F13A1: variants seen among roughly 807,000 people sequenced by gnomAD.
F13A1 encodes the protein FSF, A subunit.
In F13A1, 47 loss-of-function variants were observed where a neutral mutation model predicts 80.1. That is an observed-to-expected ratio of 0.59 (90% CI 0.46 to 0.75). F13A1 has a LOEUF of 0.75. Ranked by LOEUF, F13A1 falls within the 30% of genes least tolerant of loss-of-function variation. The pLI is 0.00. For missense variants in F13A1, 817 were observed against 930.4 expected (o/e 0.88, Z 1.59); for synonymous variants, 349 against 344.9 (o/e 1.01, Z -0.13).
chr6:6,203,759 GTACT>G (rs912165659), intron 8 of F13A1, among the ~76,000 whole-genome samples: 1 of 152,068 alleles, frequency 6.6e-6, no homozygotes, highest in Admixed American at 6.5e-5. Context: ...TGGTACTTTG[GTACT>G]TTGGTATGCA....
At chr6:6,281,205 G>A (rs1022111022) in intron 3 of F13A1, among the ~76,000 whole-genome samples, 2 of 152,194 alleles carry the variant, frequency 1.3e-5, no homozygotes, top group African/African-American at 4.8e-5. Context: ...TTTACACTTT[G>A]TAGAAAATAA....
rs537177766 is a variant in F13A1 at position 6,249,790 on chromosome 6, C to T, written c.690+1021G>A. Among the ~76,000 whole-genome samples, 3 of 152,266 alleles carry T rather than the reference C, an allele frequency of 2.0e-5. No individual in the cohort carries two copies. In the East Asian group the frequency reaches 5.8e-4, roughly 29 times the overall value. The stretch of plus-strand genomic sequence containing the variant: ...TTGCATGTCACTGAGGAGGGGATGG[C>T]TTGAAACCAGGGAGTCAGGCAGGAA... On this transcript the variant is annotated intron_variant, in intron 5 of 14. Coordinates refer to ENST00000264870, the MANE Select transcript of F13A1 (RefSeq NM_000129.4).
intron 8 of F13A1, among the ~76,000 whole-genome samples, chr6:6,209,198 G>A (rs1420259061): frequency 6.6e-6 from 1 of 151,504 alleles, no homozygotes; most frequent in Non-Finnish European, 1.5e-5. Context: ...TTTTGCCAAA[G>A]AAGATATACA....
At chr6:6,313,330 G>A (rs775469957) in intron 2 of F13A1, among the ~76,000 whole-genome samples, 2 of 140,664 alleles carry the variant, frequency 1.4e-5, no homozygotes, top group African/African-American at 2.7e-5. Context: ...TTGGCAGCTC[G>A]CTCTTTCAAA....
At chr6:6,145,893 T>A in intron 14 of F13A1, 121 bp from the exon 15 acceptor site, 1 of 1,327,572 alleles carries the variant, frequency 7.5e-7, no homozygotes, top group South Asian at 1.2e-5. Context: ...CTTAGGACAC[T>A]GAAGACTCTC....
In F13A1 at chr6:6,249,008, A is replaced by G. The variant is rs3024392; in HGVS notation, c.691-589T>C. 1.3e-3 allele frequency among the ~76,000 whole-genome samples: 194 copies of G among 152,332 alleles called. 2 individuals are homozygous for G. The highest frequency in any genetic ancestry group is 4.4e-3 in the African/African-American group (181 of 41,568). On this transcript the variant is annotated intron_variant, in intron 5 of 14. Transcript: ENST00000264870. ...CAGAAGGCTGCAGAAAGTAGATTAC[A>G]CTATCAAGGGAGGAGTCTGGTACCA... is the stretch of plus-strand genomic sequence containing the variant.
At chr6:6,239,886 G>A (rs886221387) in intron 6 of F13A1, among the ~76,000 whole-genome samples, 3 of 152,158 alleles carry the variant, frequency 2.0e-5, no homozygotes, top group Non-Finnish European at 4.4e-5. Flanking sequence ...AAAAGGGAAG[G>A]ATGTAACAGG....
chr6:6,182,170 A>T, intron 10 of F13A1, 29 bp from the exon 11 acceptor site: 2 of 1,613,138 alleles, frequency 1.2e-6, no homozygotes, highest in Non-Finnish European at 1.7e-6. Context: ...AGCATTAGCC[A>T]TCATCACATG....
intron 6 of F13A1, among the ~76,000 whole-genome samples, chr6:6,233,759 T>G (rs573736592): frequency 1.1e-4 from 17 of 152,276 alleles, no homozygotes; most frequent in Admixed American, 5.9e-4. Context: ...CATGATCAAG[T>G]GGGTTTCATA....
intron 13 of F13A1, among the ~76,000 whole-genome samples, chr6:6,161,185 T>A (rs960458883): frequency 6.6e-6 from 1 of 152,078 alleles, no homozygotes; most frequent in African/African-American, 2.4e-5. Flanking sequence ...GAAGGCCCCA[T>A]TCCACAGGGA....
intron 10 of F13A1, among the ~76,000 whole-genome samples, chr6:6,190,478 C>T (rs1352840739): frequency 3.4e-5 from 5 of 148,214 alleles, no homozygotes; most frequent in Non-Finnish European, 7.5e-5. Context: ...TTGGAATACC[C>T]TGCTGTGTAA....
chr6:6,248,173 G>A (rs1000456090), intron 6 of F13A1, 139 bp downstream of exon 6: 3 of 758,632 alleles, frequency 4.0e-6, no homozygotes, highest in Non-Finnish European at 2.3e-6. Flanking sequence ...AGCTATAACT[G>A]GGTGTCAGAA....
chr6:6,185,401 G>C (rs1400192491), intron 10 of F13A1, among the ~76,000 whole-genome samples: 1 of 143,046 alleles, frequency 7.0e-6, no homozygotes, highest in African/African-American at 2.5e-5. Flanking sequence ...TTTGGTTCTT[G>C]AGATAGTTTA....
At chr6:6,156,498 A>G (rs904753008) in intron 13 of F13A1, among the ~76,000 whole-genome samples, 1 of 152,216 alleles carries the variant, frequency 6.6e-6, no homozygotes, top group African/African-American at 2.4e-5. Context: ...TTATTAGCAC[A>G]CCTAACAGCT....
chr6:6,248,539 T>A (rs576399696), intron 5 of F13A1, 120 bp from the exon 6 acceptor site: 1 of 751,998 alleles, frequency 1.3e-6, no homozygotes, highest in Admixed American at 2.0e-5. Flanking sequence ...TCCTGTATAG[T>A]GATCTCCCAT....
chr6:6,212,894 G>T (rs1761644580), intron 8 of F13A1, among the ~76,000 whole-genome samples: 1 of 152,206 alleles, frequency 6.6e-6, no homozygotes, highest in Admixed American at 6.5e-5. Flanking sequence ...AGAAGCCTCA[G>T]GAGCCGATGC....
intron 12 of F13A1, among the ~76,000 whole-genome samples, chr6:6,173,404 C>CTTTT (rs1401906503): frequency 5.6e-5 from 8 of 144,054 alleles, no homozygotes; most frequent in Non-Finnish European, 7.5e-5. Flanking sequence ...AGCCTCCATT[C>CTTTT]TTTTCTTTTT....
chr6:6,179,655 T>G (rs926775089), intron 11 of F13A1, among the ~76,000 whole-genome samples: 3 of 152,196 alleles, frequency 2.0e-5, no homozygotes, highest in African/African-American at 7.2e-5. Context: ...CAGTTTGAAA[T>G]GTGTATGCCA....
intron 2 of F13A1, 70 bp from the exon 3 acceptor site, chr6:6,305,609 C>G (rs1758502196): frequency 1.3e-6 from 2 of 1,535,132 alleles, no homozygotes; most frequent in East Asian, 2.3e-5. Flanking sequence ...AACTCAAAAA[C>G]AAGATTATTT....
Sources: gnomAD v4.1 joint callset for allele counts (sites outside exome capture counted in the v4.1 genomes callset) on GRCh38, gnomAD v4.1.1 for gene constraint, MANE v1.5 for transcripts, NCBI Gene and HGNC (gene_info 2026-07-23, HGNC 2026-07-21) for gene names.